TCF4: variants seen among roughly 807,000 people sequenced by gnomAD.
TCF4 encodes SL3-3 enhancer factor 2.
In TCF4, 3 loss-of-function variants were observed where a neutral mutation model predicts 82.1. The observed-to-expected ratio is 0.04, with a 90% CI of 0.02 to 0.09. The LOEUF (loss-of-function observed/expected upper bound fraction) is 0.09, where lower values mean the gene tolerates loss of function less well. TCF4 is among the 10% of genes least tolerant of loss of function. The pLI is 1.00. For missense variants in TCF4, 518 were observed against 852.7 expected, an observed-to-expected ratio of 0.61 and a Z score of 4.89; for synonymous variants, 276 against 309.6, an observed-to-expected ratio of 0.89 and a Z score of 1.14.
chr18:55,223,495 A>T lies in TCF4; in HGVS notation c.*4540T>A, dbSNP rs1354698723. ...TTATTGCTACAGAACGGTCATGTAC[A>T]TGACTTCATCGAATAACTACAGATG... On this transcript the variant is annotated 3_prime_UTR_variant, in exon 20 of 20. Coordinates refer to ENST00000354452, the MANE Select transcript of TCF4 (RefSeq NM_001083962.2). The T allele has an allele frequency of 6.6e-6, 1 of 152,644 alleles. No homozygotes were observed. Among genetic ancestry groups the T allele is most frequent in the East Asian group, 1.9e-4 (1 of 5,198 alleles). 9.5% of individuals were successfully genotyped at this position (152,644 alleles called of 1,614,324 possible).
intron 6 of TCF4, among the ~76,000 whole-genome samples, chr18:55,377,528 G>C (rs1204148019): frequency 1.3e-5 from 2 of 152,204 alleles, no homozygotes; most frequent in African/African-American, 2.4e-5. Flanking sequence ...ATTTTAAGTA[G>C]TTGTACTTAC....
At chr18:55,231,599 C>A (rs1274976592) in intron 17 of TCF4, 1 of 152,202 alleles carries the variant, frequency 6.6e-6, no homozygotes, top group Non-Finnish European at 1.5e-5. Flanking sequence ...GGTATGAAAT[C>A]CCCTCCTTGG....
intron 8 of TCF4, chr18:55,332,447 A>G (rs1252614587): frequency 1.3e-5 from 2 of 152,240 alleles, no homozygotes; most frequent in Admixed American, 6.5e-5. Context: ...CATATATTAC[A>G]CTGTTATCAT....
chr18:55,260,104 C>G (rs1028390269), intron 12 of TCF4, 77 bp from the exon 13 acceptor site: 1 of 1,090,290 alleles, frequency 9.2e-7, no homozygotes, highest in Non-Finnish European at 1.4e-6. Context: ...ACGAAGTTGT[C>G]AACGCAATTC....
chr18:55,620,596 T>A (rs2097716781), intron 2 of TCF4, among the ~76,000 whole-genome samples: 1 of 152,186 alleles, frequency 6.6e-6, no homozygotes, highest in African/African-American at 2.4e-5. Flanking sequence ...CTTCCCCACT[T>A]TCAACTCTGT....
In TCF4 at chr18:55,237,614, C is replaced by T. The variant is rs934120074; in HGVS notation, c.1351-2931G>A. On this transcript the variant is annotated intron_variant, in intron 15 of 19. Transcript: ENST00000354452. ...CCTCCCAAGTAACTGGAATTACAGG[C>T]GCCCACCACCACGCCGGCTAATTTG... Among the ~76,000 whole-genome samples the T allele has an allele frequency of 4.4e-5, 4 of 90,578 alleles. No individual in the cohort carries two copies. In the East Asian group the frequency reaches 9.8e-4, roughly 22 times the overall value. The allele number at this position is 90,578 out of a possible 152,430, so 59.4% of individuals were successfully genotyped here.
At chr18:55,477,803 C>T (rs954964125) in intron 3 of TCF4, among the ~76,000 whole-genome samples, 2 of 152,144 alleles carry the variant, frequency 1.3e-5, no homozygotes, top group East Asian at 1.9e-4. Context: ...GAGATGAGAA[C>T]GCATCAACTG....
At chr18:55,264,184 TA>T (rs1252383457) in intron 11 of TCF4, among the ~76,000 whole-genome samples, 3 of 152,196 alleles carry the variant, frequency 2.0e-5, no homozygotes, top group African/African-American at 7.2e-5. Flanking sequence ...GTGCCTGTTT[TA>T]TGCAGGGAGA....
At chr18:55,497,858 G>T (rs2096654417) in intron 3 of TCF4, among the ~76,000 whole-genome samples, 1 of 151,550 alleles carries the variant, frequency 6.6e-6, no homozygotes, top group Non-Finnish European at 1.5e-5. Context: ...AATTGGAAGG[G>T]GAAAAAAAAA....
At position 55,238,965 on chromosome 18, in the gene TCF4, G is replaced by A. The variant is rs375240139; in HGVS notation, c.1351-4282C>T. On this transcript the variant is annotated intron_variant, in intron 15 of 19. Coordinates refer to ENST00000354452, the MANE Select transcript of TCF4 (RefSeq NM_001083962.2). ...GTCCAGAGAGCTACAAACGAGGAAG[G>A]GGGGATAAGATCATGTAGTCCAAAC... Among the ~76,000 whole-genome samples, 140 of 152,262 alleles carry A rather than the reference G, an allele frequency of 9.2e-4. 3 individuals carry two copies. The South Asian group carries it at 0.028, about 30-fold the overall frequency.
chr18:55,398,999 T>G (rs1237841014), intron 6 of TCF4, among the ~76,000 whole-genome samples: 1 of 152,228 alleles, frequency 6.6e-6, no homozygotes, highest in Non-Finnish European at 1.5e-5. Flanking sequence ...TTAGGCATCT[T>G]AGTAAATTAA....
intron 8 of TCF4, among the ~76,000 whole-genome samples, chr18:55,329,810 G>C (rs2077199064): frequency 6.6e-6 from 1 of 152,150 alleles, no homozygotes; most frequent in Non-Finnish European, 1.5e-5. Flanking sequence ...TGTTTGACAG[G>C]GGTATTTGTT....
At chr18:55,239,615 G>A (rs891197565) in intron 15 of TCF4, among the ~76,000 whole-genome samples, 2 of 152,024 alleles carry the variant, frequency 1.3e-5, no homozygotes, top group African/African-American at 4.8e-5. Flanking sequence ...TTTATTGCAG[G>A]GGGAAAATCA....
rs562815427 is a variant in TCF4, at chr18:55,491,950, T to G, written c.146-27813A>C. 7.9e-5 allele frequency among the ~76,000 whole-genome samples: 12 copies of G among 152,334 alleles called. No homozygotes were observed. The South Asian group carries it at 2.5e-3, about 32-fold the overall frequency. Reference sequence around the variant, plus strand: ...AATCAAAAAGGAGCTTTTTTGAATTTTGGAATCATAGAAATTCAAATTGCA... The same window carrying G: ...AATCAAAAAGGAGCTTTTTTGAATTGTGGAATCATAGAAATTCAAATTGCA... On this transcript the variant is annotated intron_variant, in intron 3 of 19. Transcript: ENST00000354452.
chr18:55,332,036 T>C (rs1295428821), intron 8 of TCF4: 1 of 152,076 alleles, frequency 6.6e-6, no homozygotes, highest in Non-Finnish European at 1.5e-5. Context: ...GATACTGTTA[T>C]GCCACTTATT....
rs774553723 is a variant in TCF4, at chr18:55,259,887, T to C, written c.1069+62A>G. ...AGTTTCCACCTACAAAATCAGGAAGTACAAGGGGGGAATCATTCTTATAAA... is the reference window on the plus strand; with the variant it reads ...AGTTTCCACCTACAAAATCAGGAAGCACAAGGGGGGAATCATTCTTATAAA... On this transcript the variant is annotated intron_variant, in intron 13 of 19. Coordinates refer to ENST00000354452, the MANE Select transcript of TCF4 (RefSeq NM_001083962.2). 3.3e-5 allele frequency: 46 copies of C among 1,413,290 alleles called. 1 individual carries two copies. The highest frequency in any genetic ancestry group is 5.7e-5 in the African/African-American group (4 of 70,630). The allele number at this position is 1,413,290 out of a possible 1,614,324, so 87.5% of individuals were successfully genotyped here. A position where few individuals can be genotyped will look rare whatever the true frequency, so the allele number is the denominator to read the frequency against.
At chr18:55,345,859 G>A (rs922025691) in intron 8 of TCF4, among the ~76,000 whole-genome samples, 6 of 152,140 alleles carry the variant, frequency 3.9e-5, no homozygotes, top group South Asian at 2.1e-4. Flanking sequence ...AAAAAGCATC[G>A]TTCTGATTTC....
chr18:55,417,515 G>A (rs919148854), intron 5 of TCF4, among the ~76,000 whole-genome samples: 10 of 152,234 alleles, frequency 6.6e-5, no homozygotes, highest in African/African-American at 1.4e-4. Context: ...ACATATTCTC[G>A]TTTCTTCTGT....
At chr18:55,621,790 ATATATTATATGT>A (rs1248943110) in intron 2 of TCF4, among the ~76,000 whole-genome samples, 17 of 90,212 alleles carry the variant, frequency 1.9e-4, no homozygotes, top group African/African-American at 7.0e-4. Flanking sequence ...AATATATATT[ATATATTATATGT>A]TATATTATAT....
Sources: gnomAD v4.1 joint callset for allele counts (sites outside exome capture counted in the v4.1 genomes callset) on GRCh38, gnomAD v4.1.1 for gene constraint, MANE v1.5 for transcripts, NCBI Gene and HGNC (gene_info 2026-07-23, HGNC 2026-07-21) for gene names.